LRRFIP2: variants seen among roughly 807,000 people sequenced by gnomAD.
LRRFIP2 encodes the protein LRR binding FLII interacting protein 2.
A neutral mutation model predicts 125.9 loss-of-function variants in LRRFIP2; 109 were observed. The observed-to-expected ratio is 0.87, with a 90% confidence interval of 0.74 to 1.01. The LOEUF is 1.01. Among genes scored for constraint, LRRFIP2 ranks in the 50% least tolerant of loss-of-function variants. The probability of loss-of-function intolerance (pLI) is 0.00; values close to 1 mark genes in which losing one functional copy is unlikely to be tolerated. For missense variants in LRRFIP2, 850 were observed against 862.3 expected, an observed-to-expected ratio of 0.99 and a Z score of 0.18; for synonymous variants, 291 against 293.1, an observed-to-expected ratio of 0.99 and a Z score of 0.07.
At chr3:37,096,766 C>A in intron 15 of LRRFIP2, 106 bp from the exon 16 acceptor site, 1 of 582,858 alleles carries the variant, frequency 1.7e-6, no homozygotes, top group Non-Finnish European at 3.0e-6. Flanking sequence ...ATGTTTGAAG[C>A]CTAAAAATAA....
chr3:37,080,834 T>C (rs2092580310), intron 19 of LRRFIP2, among the ~76,000 whole-genome samples: 1 of 152,174 alleles, frequency 6.6e-6, no homozygotes, highest in Non-Finnish European at 1.5e-5. Context: ...CATTCTAAGG[T>C]GTGAAACTTA....
intron 18 of LRRFIP2, among the ~76,000 whole-genome samples, chr3:37,088,507 T>C (rs999657639): frequency 3.3e-5 from 5 of 149,772 alleles, no homozygotes; most frequent in African/African-American, 1.2e-4. Context: ...TGAGACTGCA[T>C]TTAAAAAAAA....
intron 13 of LRRFIP2, among the ~76,000 whole-genome samples, chr3:37,107,062 G>A (rs535703159): frequency 8.6e-5 from 13 of 151,978 alleles, no homozygotes; most frequent in Admixed American, 4.6e-4. Flanking sequence ...GTGCCACCAC[G>A]CCAGGCTAAT....
intron 24 of LRRFIP2, among the ~76,000 whole-genome samples, chr3:37,061,494 C>T (rs567509013): frequency 2.6e-5 from 4 of 151,828 alleles, no homozygotes; most frequent in African/African-American, 7.2e-5. Flanking sequence ...CAGCCTCCAC[C>T]TCCCTCCTGC....
chr3:37,055,117 G>T lies in LRRFIP2; in HGVS notation c.1919C>A (p.Ala640Glu). Residue 640 changes from alanine (A) to glutamate (E), a missense_variant, in exon 26 of 28, where the codon GCA becomes GAA. Ala to Glu is a moderately radical substitution (Grantham distance 107). Coordinates refer to ENST00000336686, the MANE Select transcript of LRRFIP2 (RefSeq NM_006309.4). ...ISEYKFKLSK[A>E]EQDITTLEQS... ...CTCCAAGGTAGTTATATCCTGTTCTGCTTTTGAAAGCTTAAATTTGTATTC... is the reference window on the plus strand; with the variant it reads ...CTCCAAGGTAGTTATATCCTGTTCTTCTTTTGAAAGCTTAAATTTGTATTC... 1 of 1,595,190 alleles carries T rather than the reference G, an allele frequency of 6.3e-7. No individual in the cohort carries two copies. The highest frequency in any genetic ancestry group is 8.5e-7 in the Non-Finnish European group (1 of 1,173,504).
intron 13 of LRRFIP2, among the ~76,000 whole-genome samples, chr3:37,107,795 C>T (rs2094399050): frequency 1.3e-5 from 2 of 152,192 alleles, no homozygotes; most frequent in Non-Finnish European, 1.5e-5. Flanking sequence ...CACTGAAAGA[C>T]AAGAAGTTCT....
chr3:37,070,540 A>G (rs1489111816), intron 21 of LRRFIP2, among the ~76,000 whole-genome samples: 1 of 151,734 alleles, frequency 6.6e-6, no homozygotes, highest in Non-Finnish European at 1.5e-5. Context: ...GTTCGAGACC[A>G]GCCTGGCCAA....
At chr3:37,071,223 A>G (rs950886020) in intron 21 of LRRFIP2, among the ~76,000 whole-genome samples, 1 of 152,202 alleles carries the variant, frequency 6.6e-6, no homozygotes, top group Non-Finnish European at 1.5e-5. Flanking sequence ...TTTTTGGTCT[A>G]CAAACTTTTT....
At chr3:37,089,869 T>G (rs1196493167) in intron 18 of LRRFIP2, among the ~76,000 whole-genome samples, 1 of 152,240 alleles carries the variant, frequency 6.6e-6, no homozygotes, top group African/African-American at 2.4e-5. Context: ...GATTAAATCC[T>G]GAAGATTAAA....
intron 8 of LRRFIP2, 74 bp from the exon 9 acceptor site, chr3:37,111,139 T>A: frequency 7.8e-7 from 1 of 1,288,038 alleles, no homozygotes. Context: ...AAGGCAAAAC[T>A]GAACACAAAA....
At chr3:37,059,189 T>TG (rs945876305) in intron 24 of LRRFIP2, among the ~76,000 whole-genome samples, 1 of 152,064 alleles carries the variant, frequency 6.6e-6, no homozygotes, top group African/African-American at 2.4e-5. Context: ...AGTACATCTT[T>TG]GGGGTATTTT....
At chr3:37,103,127 T>A (rs1176939092) in intron 14 of LRRFIP2, 114 bp from the exon 15 acceptor site, 2 of 648,746 alleles carry the variant, frequency 3.1e-6, no homozygotes, top group Non-Finnish European at 5.2e-6. Flanking sequence ...GGTGATAAAG[T>A]ACCAAGAAAT....
chr3:37,162,132 G>C (rs1381921085), intron 1 of LRRFIP2, among the ~76,000 whole-genome samples: 1 of 143,638 alleles, frequency 7.0e-6, no homozygotes, highest in African/African-American at 2.6e-5. Flanking sequence ...CTCCAGCCTG[G>C]GTGACAAAGT....
chr3:37,093,741 G>T (rs967112617), intron 17 of LRRFIP2, among the ~76,000 whole-genome samples: 27 of 152,102 alleles, frequency 1.8e-4, no homozygotes, highest in Admixed American at 6.5e-4. Context: ...TTTCAGGCTA[G>T]CATACAAGAT....
At position 37,053,787 on chromosome 3, in the gene LRRFIP2, G is replaced by A; in HGVS notation, c.*64C>T. 9.3e-7 allele frequency: 1 copy of A among 1,071,562 alleles called. No homozygotes were observed. The highest frequency in any genetic ancestry group is 1.7e-5 in the Admixed American group (1 of 58,164). The allele number at this position is 1,071,562 out of a possible 1,614,324, so 66.4% of individuals were successfully genotyped here. Reference sequence around the variant, plus strand: ...GTACTAAAAGGGGTTTGTGTCAATGGACAAAAGTCAGTCCCTCTAGGTAGG... The same window carrying A: ...GTACTAAAAGGGGTTTGTGTCAATGAACAAAAGTCAGTCCCTCTAGGTAGG... On this transcript the variant is annotated 3_prime_UTR_variant, in exon 28 of 28. Coordinates refer to ENST00000336686, the MANE Select transcript of LRRFIP2 (RefSeq NM_006309.4).
At chr3:37,061,830 A>G (rs2088841551) in intron 24 of LRRFIP2, among the ~76,000 whole-genome samples, 1 of 151,980 alleles carries the variant, frequency 6.6e-6, no homozygotes, top group Non-Finnish European at 1.5e-5. Context: ...CATATACCAG[A>G]TCTCATCATT....
intron 18 of LRRFIP2, among the ~76,000 whole-genome samples, chr3:37,085,818 A>G (rs1576333272): frequency 2.0e-5 from 3 of 152,070 alleles, no homozygotes; most frequent in Admixed American, 2.0e-4. Context: ...TCCTGACCTC[A>G]TGATCTGCCC....
At chr3:37,146,047 T>C (rs1459804131) in intron 2 of LRRFIP2, among the ~76,000 whole-genome samples, 2 of 152,178 alleles carry the variant, frequency 1.3e-5, no homozygotes, top group Non-Finnish European at 2.9e-5. Context: ...TACAATTTTT[T>C]AAAGAAAGCA....
At chr3:37,167,388 G>A (rs1418703836) in intron 1 of LRRFIP2, among the ~76,000 whole-genome samples, 1 of 152,076 alleles carries the variant, frequency 6.6e-6, no homozygotes, top group Non-Finnish European at 1.5e-5. Context: ...GGGTGCAGTG[G>A]CTCACGCCTG....
Sources: allele counts gnomAD v4.1 joint callset (sites outside exome capture counted in the v4.1 genomes callset), GRCh38; gene constraint gnomAD v4.1.1; transcripts MANE v1.5; gene names NCBI Gene and HGNC (gene_info 2026-07-23, HGNC 2026-07-21).